BTN3A1: variants seen among roughly 807,000 people sequenced by gnomAD.
BTN3A1 encodes the protein dJ45P21.3 (butyrophilin, subfamily 3, member A1).
A neutral mutation model predicts 43.0 loss-of-function variants in BTN3A1; 24 were observed. The ratio of observed to expected loss-of-function variants is 0.56; its 90% CI spans 0.40 to 0.78. The LOEUF is 0.78. BTN3A1 is among the 30% of genes least tolerant of loss of function. The probability of loss-of-function intolerance (pLI) is 0.00; values close to 1 mark genes in which losing one functional copy is unlikely to be tolerated. For missense variants in BTN3A1, 533 were observed against 626.2 expected, an observed-to-expected ratio of 0.85 and a Z score of 1.59; for synonymous variants, 181 against 234.7, an observed-to-expected ratio of 0.77 and a Z score of 2.09.
chr6:26,412,915 G>A (rs1038948082), intron 9 of BTN3A1: 89 of 1,477,384 alleles, frequency 6.0e-5, no homozygotes, highest in East Asian at 2.0e-4. Context: ...TCCTGAGGCC[G>A]CGTCAGGGTA....
In BTN3A1 at chr6:26,413,931, GTTGT is replaced by G. The variant is rs1261345551; in HGVS notation, c.*243_*246del. On this transcript the variant is annotated 3_prime_UTR_variant, in exon 10 of 10. Coordinates refer to ENST00000289361, the MANE Select transcript of BTN3A1 (RefSeq NM_007048.6). ...TACTCATTCAATTATTCATATGACAGTTGTTTGAGTTTGGTACCATCTTATTTTC... is the reference window on the plus strand; with the variant it reads ...TACTCATTCAATTATTCATATGACAGTTGAGTTTGGTACCATCTTATTTTC... 9.1e-6 allele frequency: 6 copies of G among 660,434 alleles called. No homozygotes were observed. Among genetic ancestry groups the G allele is most frequent in the Non-Finnish European group, 1.2e-5 (5 of 407,584 alleles). The allele number at this position is 660,434 out of a possible 1,614,324, so 40.9% of individuals were successfully genotyped here. A position where few individuals can be genotyped will look rare whatever the true frequency, so the allele number is the denominator to read the frequency against.
At chr6:26,409,353 G>T (rs1221617135) in intron 4 of BTN3A1, among the ~76,000 whole-genome samples, 180 bp from the exon 5 acceptor site, 5 of 152,184 alleles carry the variant, frequency 3.3e-5, no homozygotes. Flanking sequence ...AGCCTCTAGT[G>T]GGGGTTTATC....
rs926200096 is a variant in BTN3A1 at position 26,413,086 on chromosome 6, C to A, written c.1019-83C>A. The A allele has an allele frequency of 4.5e-6, 7 of 1,538,940 alleles. No individual in the cohort carries two copies. In the East Asian group the frequency reaches 1.6e-4, roughly 35 times the overall value. On this transcript the variant is annotated intron_variant, in intron 9 of 9. Transcript: ENST00000289361. ...AGGCTTTGGACTCAGACCTCCTCAGCATGGCCCAGGCCTTGCATGCTGAGG... is the reference window on the plus strand; with the variant it reads ...AGGCTTTGGACTCAGACCTCCTCAGAATGGCCCAGGCCTTGCATGCTGAGG...
At chr6:26,412,583 G>C in intron 9 of BTN3A1, 1 of 1,546,784 alleles carries the variant, frequency 6.5e-7, no homozygotes, top group Non-Finnish European at 8.7e-7. Context: ...GCCCAGCACA[G>C]AGACGGCCTT....
At position 26,414,100 on chromosome 6, in the gene BTN3A1, T is replaced by C. The variant is rs1762315335; in HGVS notation, c.*408T>C. On this transcript the variant is annotated 3_prime_UTR_variant, in exon 10 of 10. Transcript: ENST00000289361. The stretch of plus-strand genomic sequence containing the variant: ...ACTTAAAATGCTCTGAGTGCTGTGT[T>C]ATGAGCTTTGGTGGATGTCACTCCT... 7.6e-6 allele frequency: 2 copies of C among 264,134 alleles called. No individual in the cohort carries two copies. The highest frequency in any genetic ancestry group is 8.5e-5 in the South Asian group (2 of 23,434). The allele number at this position is 264,134 out of a possible 1,614,324, so 16.4% of individuals were successfully genotyped here.
At chr6:26,402,797 A>C (rs996284908) in intron 1 of BTN3A1, among the ~76,000 whole-genome samples, 33 of 152,344 alleles carry the variant, frequency 2.2e-4, no homozygotes, top group African/African-American at 7.7e-4. Flanking sequence ...AAAATGTAGA[A>C]AAACCTGAAC....
chr6:26,410,368 C>T (rs1762168892), intron 7 of BTN3A1, among the ~76,000 whole-genome samples: 1 of 152,006 alleles, frequency 6.6e-6, no homozygotes, highest in East Asian at 1.9e-4. Flanking sequence ...CTGCAAAGCA[C>T]TGAGGAATAT....
In BTN3A1 at chr6:26,407,842, A is replaced by G. The variant is rs1762073460; in HGVS notation, c.605A>G (p.Tyr202Cys). 1 of 1,614,112 alleles carries G rather than the reference A, an allele frequency of 6.2e-7. No homozygotes were observed. The highest frequency in any genetic ancestry group is 1.7e-5 in the Admixed American group (1 of 60,002). Residue 202 changes from tyrosine (Y) to cysteine (C), a missense_variant, in exon 4 of 10, where the codon TAT becomes TGT. By Grantham distance (194) the Tyr-to-Cys change is radical. Around this residue, in one of 4 missense-constraint regions of BTN3A1, gnomAD observed 415 missense variants for 427.0 expected, o/e 0.97. Coordinates refer to ENST00000289361, the MANE Select transcript of BTN3A1 (RefSeq NM_007048.6). ...APVVADGVGL[Y>C]AVAASVIMRG... The stretch of plus-strand genomic sequence containing the variant: ...GTGGTTGCAGACGGAGTGGGCCTGT[A>G]TGCAGTAGCAGCATCTGTGATCATG...
Position 26,412,414 on chromosome 6 carries a change from C to A in BTN3A1, c.1019-755C>A, listed in dbSNP as rs181798750. The A allele has an allele frequency of 7.2e-6, 7 of 975,162 alleles. No individual in the cohort carries two copies. In the Admixed American group the frequency reaches 1.4e-4, roughly 19 times the overall value. 60.4% of individuals were successfully genotyped at this position (975,162 alleles called of 1,614,324 possible). A position where few individuals can be genotyped will look rare whatever the true frequency, so the allele number is the denominator to read the frequency against. Reference sequence around the variant, plus strand: ...TTCTCCTTCCAATCTCCTATCAGGGCCTCCCATTGGCCAAACCCAACAGCA... The same window carrying A: ...TTCTCCTTCCAATCTCCTATCAGGGACTCCCATTGGCCAAACCCAACAGCA... On this transcript the variant is annotated intron_variant, in intron 9 of 9. Coordinates refer to ENST00000289361, the MANE Select transcript of BTN3A1 (RefSeq NM_007048.6).
In BTN3A1 at chr6:26,405,517, A is replaced by C. The variant is rs1286938416; in HGVS notation, c.-47A>C. Reference sequence around the variant, plus strand: ...GGAATTCTATAGCTTCTTCCAGGTCATAGTGTCTGCCCCCCACCTTCCAGT... The same window carrying C: ...GGAATTCTATAGCTTCTTCCAGGTCCTAGTGTCTGCCCCCCACCTTCCAGT... On this transcript the variant is annotated 5_prime_UTR_variant, in exon 2 of 10. Transcript: ENST00000289361. 6.4e-7 allele frequency: 1 copy of C among 1,552,046 alleles called. No homozygotes were observed. The highest frequency in any genetic ancestry group is 8.9e-7 in the Non-Finnish European group (1 of 1,123,800).
chr6:26,404,799 T>C lies in BTN3A1; in HGVS notation c.-192-573T>C, dbSNP rs556764807. Among the ~76,000 whole-genome samples the C allele has an allele frequency of 8.5e-5, 13 of 152,376 alleles. No homozygotes were observed. In the East Asian group the frequency reaches 2.5e-3, roughly 29 times the overall value. On this transcript the variant is annotated intron_variant, in intron 1 of 9. Transcript: ENST00000289361. ...CTAAATTTCACACTTCATGATATTGTATAAGTAAATAAAGTTGCAATGGTT... is the reference window on the plus strand; with the variant it reads ...CTAAATTTCACACTTCATGATATTGCATAAGTAAATAAAGTTGCAATGGTT...
chr6:26,402,803 T>G (rs892554455), intron 1 of BTN3A1, among the ~76,000 whole-genome samples: 1 of 152,194 alleles, frequency 6.6e-6, no homozygotes, highest in Non-Finnish European at 1.5e-5. Context: ...TAGAAAAACC[T>G]GAACCAGCAT....
intron 1 of BTN3A1, among the ~76,000 whole-genome samples, chr6:26,404,980 G>A (rs1278567864): frequency 6.6e-6 from 1 of 152,168 alleles, no homozygotes; most frequent in African/African-American, 2.4e-5. Context: ...AGAAAGAAAA[G>A]GTAAGTAAGG....
chr6:26,410,999 G>GAAAAAAAAAAAAAAAAAA (rs1561847979), intron 7 of BTN3A1, 110 bp from the exon 8 acceptor site: 1 of 566,872 alleles, frequency 1.8e-6, no homozygotes, highest in Admixed American at 4.3e-5. Flanking sequence ...GATACAGGTG[G>GAAAAAAAAAAAAAAAAAA]TAAAAAAAAA....
At chr6:26,412,437 G>A in intron 9 of BTN3A1, 1 of 1,361,680 alleles carries the variant, frequency 7.3e-7, no homozygotes, top group Non-Finnish European at 1.0e-6. Flanking sequence ...AAACCCAACA[G>A]CAAACCAGAG....
chr6:26,407,949 G>A lies in BTN3A1; in HGVS notation c.712G>A (p.Ala238Thr), dbSNP rs141319367. 411 of 1,614,024 alleles carry A rather than the reference G, an allele frequency of 2.5e-4. No homozygotes were observed. The African/African-American group carries it at 4.7e-3, about 18-fold the overall frequency. ...GGAAAAGACAGCCAGCATTTCCATCGCAGGTCAGTACCTGCTTGGCCTCAG... is the reference window on the plus strand; with the variant it reads ...GGAAAAGACAGCCAGCATTTCCATCACAGGTCAGTACCTGCTTGGCCTCAG... ...GLEKTASISIADPFFRSAQRW... is the reference protein window; with the variant it reads ...GLEKTASISITDPFFRSAQRW... Residue 238 changes from alanine to threonine, a missense_variant, in exon 4 of 10, where the codon GCA becomes ACA. This residue lies in a region of BTN3A1 where 415 missense variants were observed against 427.0 expected (regional missense o/e 0.97). Coordinates refer to ENST00000289361, the MANE Select transcript of BTN3A1 (RefSeq NM_007048.6).
At chr6:26,405,683 A>G in intron 2 of BTN3A1, 35 bp downstream of exon 2, 1 of 1,610,442 alleles carries the variant, frequency 6.2e-7, no homozygotes, top group African/African-American at 1.3e-5. Context: ...TCTGAAGCAG[A>G]CAATTACCTA....
chr6:26,407,691 G>A lies in BTN3A1; in HGVS notation c.454G>A (p.Val152Ile), dbSNP rs117508907. The change falls in exon 4 of 10, where the codon GTT becomes ATT. Residue 152 changes from valine (V) to isoleucine (I), a missense_variant. Val to Ile is a conservative substitution (Grantham distance 29, BLOSUM62 3). Around this residue, in one of 4 missense-constraint regions of BTN3A1, gnomAD observed 51 missense variants for 90.9 expected, o/e 0.56. Transcript: ENST00000289361. ...KVAALGSDLH[V>I]DVKGYKDGGI... Reference sequence around the variant, plus strand: ...CACAGCACTGGGTTCTGATCTTCACGTTGATGTGAAGGGTTACAAGGATGG... The same window carrying A: ...CACAGCACTGGGTTCTGATCTTCACATTGATGTGAAGGGTTACAAGGATGG... The A allele has an allele frequency of 5.9e-4, 947 of 1,614,176 alleles. 2 individuals carry two copies. The East Asian group carries it at 0.012, about 20-fold the overall frequency.
Position 26,413,225 on chromosome 6 carries a change from C to A in BTN3A1, c.1075C>A (p.Gln359Lys). 6.2e-7 allele frequency: 1 copy of A among 1,614,120 alleles called. No individual in the cohort carries two copies. Among genetic ancestry groups the A allele is most frequent in the Non-Finnish European group, 8.5e-7 (1 of 1,180,014 alleles). Residue 359 changes from glutamine to lysine, a missense_variant, in exon 10 of 10, where the codon CAG (glutamine) becomes AAG (lysine). Gln to Lys is a moderately conservative substitution (Grantham distance 53). This residue lies in a region of BTN3A1 where 415 missense variants were observed against 427.0 expected (regional missense o/e 0.97). Coordinates refer to ENST00000289361, the MANE Select transcript of BTN3A1 (RefSeq NM_007048.6). ...CCCCATCCTCCTTGTTTCTGAGGACCAGAGGAGTGTGCAGCGTGCCAAGGA... is the reference window on the plus strand; with the variant it reads ...CCCCATCCTCCTTGTTTCTGAGGACAAGAGGAGTGTGCAGCGTGCCAAGGA... ...ANPILLVSED[Q>K]RSVQRAKEPQ...
Sources: gnomAD v4.1 joint callset for allele counts (sites outside exome capture counted in the v4.1 genomes callset) on GRCh38, gnomAD v4.1.1 for gene constraint, gnomAD v4.1.1 regional missense constraint, MANE v1.5 for transcripts, NCBI Gene and HGNC (gene_info 2026-07-23, HGNC 2026-07-21) for gene names.